Variants in CDCA5 observed in about 807,000 individuals in gnomAD.
CDCA5 encodes cell division cycle associated 5, also known as sororin.
In CDCA5, 14 loss-of-function variants were observed where a neutral mutation model predicts 25.7. That is an observed-to-expected ratio of 0.54 (90% CI 0.36 to 0.85). CDCA5 has a LOEUF of 0.85. Among genes scored for constraint, CDCA5 ranks in the 40% least tolerant of loss-of-function variants. The pLI is 0.01. For missense variants in CDCA5, 307 were observed against 324.5 expected (o/e 0.95, Z 0.41); for synonymous variants, 127 against 128.7 (o/e 0.99, Z 0.09).
downstream of CDCA5, among the ~76,000 whole-genome samples, chr11:65,073,615 GC>G (rs2137093712): frequency 6.6e-6 from 1 of 152,366 alleles, no homozygotes; most frequent in African/African-American, 2.4e-5. Context: ...CTGGACACCA[GC>G]CTCGGCCTGG....
intron 4 of CDCA5, among the ~76,000 whole-genome samples, chr11:65,082,582 C>G (rs1033834151): frequency 1.3e-5 from 2 of 151,606 alleles, no homozygotes; most frequent in South Asian, 2.1e-4. Context: ...CCTGCCTCAG[C>G]CTCCTGAGTA....
intron 4 of CDCA5, 79 bp downstream of exon 4, chr11:65,083,285 A>C: frequency 6.5e-6 from 10 of 1,539,942 alleles, no homozygotes; most frequent in Non-Finnish European, 9.0e-6. Context: ...CCCTGGGCAG[A>C]TGTGAGGAGC....
chr11:65,064,419 A>C (rs1246665440), downstream of CDCA5, among the ~76,000 whole-genome samples: 2 of 33,696 alleles, frequency 5.9e-5, no homozygotes, highest in African/African-American at 1.2e-4. Flanking sequence ...CTCTGTCGCA[A>C]AAAAAAAAAA....
chr11:65,079,641 C>T lies in CDCA5; in HGVS notation c.390G>A (p.Glu130=). 2 of 1,607,970 alleles carry T rather than the reference C, an allele frequency of 1.2e-6. No individual in the cohort carries two copies. The highest frequency in any genetic ancestry group is 8.5e-7 in the Non-Finnish European group (1 of 1,176,150). The change falls in exon 5 of 6, where the codon GAG becomes GAA. Residue 130 remains glutamate, a synonymous_variant. Transcript: ENST00000275517. ...ACATTTCCAAGTCTCTGGCGTCCAG[C>T]TCTCCTTCCTTGGAGCTGGACTCGG... The part of the protein sequence containing the change: ...PEAESSSKEG[E]LDARDLEMSK...
chr11:65,061,807 A>G (rs533859673), downstream of CDCA5, among the ~76,000 whole-genome samples: 32 of 148,650 alleles, frequency 2.2e-4, no homozygotes, highest in African/African-American at 7.4e-4. Flanking sequence ...AAAAAAAACC[A>G]CAGCAAAATG....
chr11:65,083,804 A>C (rs1285104632), intron 1 of CDCA5, 81 bp from the exon 2 acceptor site: 4 of 1,577,256 alleles, frequency 2.5e-6, no homozygotes, highest in East Asian at 4.5e-5. Context: ...GACAGCGAGA[A>C]GATTCCCAAA....
At chr11:65,067,934 G>A (rs886255699) in intron 3 of CDCA5, 2 of 963,360 alleles carry the variant, frequency 2.1e-6, no homozygotes, top group South Asian at 1.4e-5. Context: ...GTGGGGTGGG[G>A]AGAAACACCA....
At chr11:65,072,780 C>T (rs1021444051), downstream of CDCA5, among the ~76,000 whole-genome samples, 1 of 152,004 alleles carries the variant, frequency 6.6e-6, no homozygotes, top group African/African-American at 2.4e-5. Flanking sequence ...ACTGTGTAAA[C>T]GTGTGTGCAG....
intron 2 of CDCA5, chr11:65,068,172 G>A (rs1373420250): frequency 2.6e-6 from 3 of 1,153,854 alleles, no homozygotes; most frequent in South Asian, 2.6e-5. Context: ...GCTCACCCAA[G>A]AGCCTGGGTC....
At chr11:65,076,017 G>A (rs1487117266), downstream of CDCA5, among the ~76,000 whole-genome samples, 1 of 152,216 alleles carries the variant, frequency 6.6e-6, no homozygotes, top group Non-Finnish European at 1.5e-5. Flanking sequence ...AGAGAGTGAC[G>A]AGGGCATTGG....
At chr11:65,082,101 T>G (rs542120145) in intron 4 of CDCA5, among the ~76,000 whole-genome samples, 3 of 152,242 alleles carry the variant, frequency 2.0e-5, no homozygotes, top group African/African-American at 7.2e-5. Context: ...CTTGGCTTCA[T>G]GCTTCAGAAT....
At chr11:65,070,452 TG>T (rs1220693721) in intron 1 of CDCA5, among the ~76,000 whole-genome samples, 1 of 152,184 alleles carries the variant, frequency 6.6e-6, no homozygotes, top group Admixed American at 6.5e-5. Flanking sequence ...CAGGTTAAAT[TG>T]GGATCTCAGA....
intron 1 of CDCA5, among the ~76,000 whole-genome samples, chr11:65,072,450 C>T (rs1255169552): frequency 6.6e-6 from 1 of 152,174 alleles, no homozygotes; most frequent in Non-Finnish European, 1.5e-5. Context: ...AGTCCACTCT[C>T]CAAGAAATGG....
intron 3 of CDCA5, chr11:65,067,913 TG>T: frequency 1.1e-6 from 1 of 870,654 alleles, no homozygotes; most frequent in Non-Finnish European, 1.6e-6. Flanking sequence ...CAGGTTTGAA[TG>T]TTTCTGGGTG....
intron 4 of CDCA5, among the ~76,000 whole-genome samples, chr11:65,082,087 C>T (rs867723763): frequency 1.3e-5 from 2 of 152,210 alleles, no homozygotes. Context: ...CTTTAGCTCA[C>T]GCCCTTGGCT....
At chr11:65,065,375 C>T (rs1328763917), downstream of CDCA5, among the ~76,000 whole-genome samples, 1 of 152,156 alleles carries the variant, frequency 6.6e-6, no homozygotes, top group Admixed American at 6.5e-5. Flanking sequence ...GAAACCTCAG[C>T]CTCCCAGATT....
downstream of CDCA5, among the ~76,000 whole-genome samples, chr11:65,076,787 C>T (rs117904573): frequency 0.015 from 2,246 of 152,306 alleles, 35 homozygotes; most frequent in Middle Eastern, 0.048. Flanking sequence ...TACACAGTGT[C>T]CAGTCTGGAC....
intron 4 of CDCA5, among the ~76,000 whole-genome samples, chr11:65,080,137 G>A (rs1319644639): frequency 2.0e-5 from 3 of 152,118 alleles, no homozygotes; most frequent in African/African-American, 4.8e-5. Flanking sequence ...TGATCCGCCC[G>A]CCTCGGCCTC....
In CDCA5 at chr11:65,079,589, G is replaced by A. The variant is rs753353314; in HGVS notation, c.442C>T (p.Arg148Trp). Residue 148 changes from arginine (R) to tryptophan (W), a missense_variant, in exon 5 of 6, where the codon CGG becomes TGG. Transcript: ENST00000275517. ...GAGGCAGAGCCCAGGGTCTCCAGCC[G>A]GCTGTAGGAACGCCTGACTTTCTTA... ...MSKKVRRSYSRLETLGSASTS... is the reference protein window; with the variant it reads ...MSKKVRRSYSWLETLGSASTS... The A allele has an allele frequency of 2.0e-5, 33 of 1,613,248 alleles. No homozygotes were observed. Among genetic ancestry groups the A allele is most frequent in the African/African-American group, 2.7e-5 (2 of 74,962 alleles).
Sources: gnomAD v4.1 joint callset for allele counts (sites outside exome capture counted in the v4.1 genomes callset) on GRCh38, gnomAD v4.1.1 for gene constraint, MANE v1.5 for transcripts, NCBI Gene and HGNC (gene_info 2026-07-23, HGNC 2026-07-21) for gene names.